Variants in OPHN1 observed in about 807,000 individuals in gnomAD.
The protein encoded by OPHN1 is oligophrenin 1, also known as oligophrenin-1.
A neutral mutation model predicts 60.7 loss-of-function variants in OPHN1; 11 were observed. That is an observed-to-expected ratio of 0.18 (90% CI 0.11 to 0.30). The LOEUF is 0.30. Ranked by LOEUF, OPHN1 falls within the 10% of genes least tolerant of loss-of-function variation. The pLI, the probability that OPHN1 is intolerant of heterozygous loss-of-function variation, is 1.00. For missense variants in OPHN1, 449 were observed against 611.0 expected, an observed-to-expected ratio of 0.73 and a Z score of 2.80; for synonymous variants, 226 against 222.6, an observed-to-expected ratio of 1.02 and a Z score of -0.14.
At chrX:68,267,546 G>T (rs773858165) in intron 5 of OPHN1, among the ~76,000 whole-genome samples, 2 of 112,260 alleles carry the variant, frequency 1.8e-5, no homozygotes, top group East Asian at 2.8e-4. Flanking sequence ...GAGGGAAACT[G>T]ATAGCACTAA....
At chrX:68,414,258 G>T (rs887805929) in intron 2 of OPHN1, among the ~76,000 whole-genome samples, 1 of 110,965 alleles carries the variant, frequency 9.0e-6, no homozygotes, top group African/African-American at 3.3e-5. Context: ...CTGAAAAGGA[G>T]GAGAGGATCA....
In OPHN1 at chrX:68,053,720, C is replaced by A. The variant is rs765116282; in HGVS notation, c.2249G>T (p.Arg750Leu). The change falls in exon 22 of 25, where the codon CGG (arginine) becomes CTG (leucine). Residue 750 changes from arginine (R) to leucine (L), a missense_variant. Physicochemically the swap from Arg to Leu is moderately radical, Grantham distance 102. This residue lies in a region of OPHN1 where 184 missense variants were observed against 160.5 expected (regional missense o/e 1.15). Coordinates refer to ENST00000355520, the MANE Select transcript of OPHN1 (RefSeq NM_002547.3). Reference protein sequence around the residue: ...PPVRPPDPPCRAATPQKPEPK... With the variant: ...PPVRPPDPPCLAATPQKPEPK... ...TTCTGGCTTTTGGGGAGTAGCTGCC[C>A]GGCAGGGAGGATCTGGGGGCCTCAC... 3.3e-6 allele frequency: 4 copies of A among 1,208,876 alleles called. No homozygotes were observed. The African/African-American group carries it at 5.3e-5, about 16-fold the overall frequency.
At chrX:68,297,413 T>C (rs1008670724) in intron 3 of OPHN1, among the ~76,000 whole-genome samples, 2 of 111,506 alleles carry the variant, frequency 1.8e-5, no homozygotes, top group Admixed American at 1.9e-4. Context: ...TAAATAGTCA[T>C]GCACTTGGAC....
At chrX:68,124,901 G>A (rs1172881594) in intron 15 of OPHN1, among the ~76,000 whole-genome samples, 1 of 111,178 alleles carries the variant, frequency 9.0e-6, no homozygotes, top group African/African-American at 3.3e-5. Context: ...GCCCACTTCG[G>A]CCTCCCAAAG....
At chrX:68,319,002 A>G (rs943785806) in intron 2 of OPHN1, among the ~76,000 whole-genome samples, 79 of 111,709 alleles carry the variant, frequency 7.1e-4, no homozygotes, top group African/African-American at 2.4e-3. Context: ...AACATGATTT[A>G]TCACTATTGA....
At chrX:68,152,454 C>A (rs756218949) in intron 15 of OPHN1, among the ~76,000 whole-genome samples, 1 of 101,707 alleles carries the variant, frequency 9.8e-6, no homozygotes, top group South Asian at 4.5e-4. Flanking sequence ...TTTTTTTATT[C>A]TTTTTTTTTT....
chrX:68,086,005 C>T (rs1336311855), intron 19 of OPHN1, among the ~76,000 whole-genome samples: 1 of 109,873 alleles, frequency 9.1e-6, no homozygotes, highest in Non-Finnish European at 1.9e-5. Flanking sequence ...ATGGTGAAAC[C>T]CTGTCTCTAC....
intron 2 of OPHN1, among the ~76,000 whole-genome samples, chrX:68,411,644 A>C (rs1270364413): frequency 1.8e-5 from 2 of 111,480 alleles, no homozygotes; most frequent in African/African-American, 6.5e-5. Flanking sequence ...AATTTGTTTA[A>C]CTTCCATATA....
intron 3 of OPHN1, among the ~76,000 whole-genome samples, chrX:68,291,378 C>T (rs1216785661): frequency 8.9e-6 from 1 of 112,030 alleles, no homozygotes; most frequent in Non-Finnish European, 1.9e-5. Flanking sequence ...TCATTTTGTA[C>T]CACTTACTTG....
chrX:68,171,508 G>T (rs12841621), intron 15 of OPHN1, among the ~76,000 whole-genome samples: 4 of 110,758 alleles, frequency 3.6e-5, no homozygotes, highest in African/African-American at 9.9e-5. Flanking sequence ...GGCTGAGGCG[G>T]GCAGATCACT....
At chrX:68,264,604 C>T (rs1302133909) in intron 5 of OPHN1, among the ~76,000 whole-genome samples, 1 of 111,817 alleles carries the variant, frequency 8.9e-6, no homozygotes, top group Non-Finnish European at 1.9e-5. Flanking sequence ...GTGTGTGCGA[C>T]GTAGAAGATG....
At chrX:68,369,069 A>T (rs1205838054) in intron 2 of OPHN1, among the ~76,000 whole-genome samples, 2 of 110,796 alleles carry the variant, frequency 1.8e-5, no homozygotes, top group Admixed American at 1.9e-4. Flanking sequence ...TTAGCCAGGC[A>T]TGGTAGCACG....
chrX:68,251,499 A>T (rs2077835139), intron 5 of OPHN1, among the ~76,000 whole-genome samples: 1 of 110,952 alleles, frequency 9.0e-6, no homozygotes, highest in Admixed American at 9.6e-5. Flanking sequence ...TCAAATATTA[A>T]CTATTCTTCT....
chrX:68,056,888 T>A (rs890428947), intron 21 of OPHN1, among the ~76,000 whole-genome samples: 1 of 111,412 alleles, frequency 9.0e-6, no homozygotes, highest in African/African-American at 3.3e-5. Context: ...AATATAAAAA[T>A]TATAAATTAT....
At chrX:68,051,295 T>C (rs1157385753) in intron 23 of OPHN1, among the ~76,000 whole-genome samples, 1 of 111,445 alleles carries the variant, frequency 9.0e-6, no homozygotes, top group Non-Finnish European at 1.9e-5. Flanking sequence ...TAACCAAATA[T>C]CTCTCCAGAT....
chrX:68,101,174 G>A (rs1015390535), intron 18 of OPHN1, among the ~76,000 whole-genome samples: 1 of 111,832 alleles, frequency 8.9e-6, no homozygotes, highest in African/African-American at 3.3e-5. Context: ...CATCAGTTAC[G>A]AGCACATTAT....
At chrX:68,327,788 TAAAAAAAATAAAA>T (rs2078271495) in intron 2 of OPHN1, among the ~76,000 whole-genome samples, 1 of 47,056 alleles carries the variant, frequency 2.1e-5, no homozygotes, top group Non-Finnish European at 3.5e-5. Context: ...AAATAAAAAA[TAAAAAAAATAAAA>T]AAAAAAAAAA....
chrX:68,420,062 G>A (rs772292197), intron 2 of OPHN1, among the ~76,000 whole-genome samples: 53 of 111,174 alleles, frequency 4.8e-4, no homozygotes, highest in Non-Finnish European at 9.2e-4. Context: ...ACAAGCTCAG[G>A]TGTCTCAGCC....
At chrX:68,138,820 C>T (rs547567444) in intron 15 of OPHN1, among the ~76,000 whole-genome samples, 1 of 112,043 alleles carries the variant, frequency 8.9e-6, no homozygotes. Flanking sequence ...CATACAGCTA[C>T]TAAGTTGTGG....
Sources: allele counts gnomAD v4.1 joint callset (sites outside exome capture counted in the v4.1 genomes callset), GRCh38; gene constraint gnomAD v4.1.1; regional missense constraint gnomAD v4.1.1; transcripts MANE v1.5; gene names NCBI Gene and HGNC (gene_info 2026-07-23, HGNC 2026-07-21).